PTPRD: variants seen among roughly 807,000 people sequenced by gnomAD.
The protein encoded by PTPRD is protein tyrosine phosphatase receptor type D.
A neutral mutation model predicts 214.5 loss-of-function variants in PTPRD; 34 were observed. The ratio of observed to expected loss-of-function variants is 0.16; its 90% CI spans 0.12 to 0.21. The LOEUF (loss-of-function observed/expected upper bound fraction) is 0.21. PTPRD is among the 10% of genes least tolerant of loss of function. The pLI is 1.00. For missense variants in PTPRD, 2,545 were observed against 2,398.7 expected (o/e 1.06, Z -1.27); for synonymous variants, 1,128 against 845.7 (o/e 1.33, Z -5.79).
chr9:9,875,298 T>C (rs1245322888), intron 5 of PTPRD, among the ~76,000 whole-genome samples: 2 of 152,172 alleles, frequency 1.3e-5, no homozygotes, highest in Non-Finnish European at 2.9e-5. Context: ...GTACTGATAT[T>C]GCTAAATTAC....
intron 3 of PTPRD, among the ~76,000 whole-genome samples, chr9:10,096,538 T>C (rs593247): frequency 0.26 from 39,909 of 151,832 alleles, 5,661 homozygotes; most frequent in East Asian, 0.52. Context: ...AAATGTCTTC[T>C]TTTGAGAAGT....
intron 3 of PTPRD, among the ~76,000 whole-genome samples, chr9:10,165,654 CAAT>C (rs1307992564): frequency 6.6e-6 from 1 of 151,376 alleles, no homozygotes; most frequent in African/African-American, 2.4e-5. Context: ...ATGAGCATTG[CAAT>C]AATAAGACCT....
At chr9:9,700,796 A>C (rs947088887) in intron 7 of PTPRD, among the ~76,000 whole-genome samples, 9 of 152,100 alleles carry the variant, frequency 5.9e-5, no homozygotes, top group African/African-American at 2.2e-4. Context: ...TCTCCATAAA[A>C]ATTTCTAGTA....
At chr9:8,652,396 C>T (rs73425449) in intron 12 of PTPRD, among the ~76,000 whole-genome samples, 7 of 152,208 alleles carry the variant, frequency 4.6e-5, no homozygotes, top group Non-Finnish European at 7.3e-5. Context: ...CCCTGGCACA[C>T]GGCTATTGTT....
At chr9:10,096,135 G>A (rs1461798025) in intron 3 of PTPRD, among the ~76,000 whole-genome samples, 1 of 151,580 alleles carries the variant, frequency 6.6e-6, no homozygotes, top group East Asian at 1.9e-4. Flanking sequence ...GAACAATGGA[G>A]GAAATATCAT....
intron 7 of PTPRD, among the ~76,000 whole-genome samples, chr9:9,729,542 A>G (rs2098149924): frequency 6.6e-6 from 1 of 152,146 alleles, no homozygotes; most frequent in Admixed American, 6.6e-5. Flanking sequence ...TATCACTCTC[A>G]CCATCCTTAT....
intron 11 of PTPRD, among the ~76,000 whole-genome samples, chr9:9,008,394 A>AT (rs1356148891): frequency 1.3e-5 from 2 of 151,234 alleles, no homozygotes; most frequent in Non-Finnish European, 1.5e-5. Context: ...CACCCGGCTA[A>AT]TTTTTTGTAT....
chr9:9,081,262 C>A (rs2099758603), intron 10 of PTPRD, among the ~76,000 whole-genome samples: 1 of 152,110 alleles, frequency 6.6e-6, no homozygotes, highest in Admixed American at 6.6e-5. Context: ...ACCCAGTAGT[C>A]ATTCAGGAAC....
chr9:9,333,499 G>T (rs914238617), intron 9 of PTPRD, among the ~76,000 whole-genome samples: 1 of 97,770 alleles, frequency 1.0e-5, no homozygotes, highest in Non-Finnish European at 1.8e-5. Context: ...ATATTATATA[G>T]TATATTATAT....
intron 27 of PTPRD, among the ~76,000 whole-genome samples, chr9:8,486,961 T>C (rs1313843659): frequency 2.0e-5 from 3 of 152,008 alleles, no homozygotes; most frequent in African/African-American, 7.2e-5. Context: ...ACTGCTTAAA[T>C]GCTTAATTGT....
chr9:10,304,732 TA>T (rs1297935098), intron 3 of PTPRD, among the ~76,000 whole-genome samples: 1 of 152,016 alleles, frequency 6.6e-6, no homozygotes, highest in African/African-American at 2.4e-5. Context: ...AGGAGACCTA[TA>T]AGCCACTGCT....
intron 14 of PTPRD, among the ~76,000 whole-genome samples, chr9:8,560,907 G>A (rs1283625604): frequency 6.2e-5 from 9 of 145,356 alleles, no homozygotes; most frequent in African/African-American, 2.5e-4. Context: ...TGTAAATAAA[G>A]ATGCAGAAAG....
chr9:9,278,098 A>C (rs766571105), intron 9 of PTPRD, among the ~76,000 whole-genome samples: 1 of 151,386 alleles, frequency 6.6e-6, no homozygotes, highest in Non-Finnish European at 1.5e-5. Flanking sequence ...GCTTTCCACG[A>C]TTTGACATAG....
At chr9:9,548,392 T>C (rs2079323367) in intron 8 of PTPRD, among the ~76,000 whole-genome samples, 1 of 150,430 alleles carries the variant, frequency 6.6e-6, no homozygotes, top group African/African-American at 2.4e-5. Flanking sequence ...GCTACGTATA[T>C]GTGACTTTTT....
intron 4 of PTPRD, among the ~76,000 whole-genome samples, chr9:10,022,641 T>A (rs2096846068): frequency 6.6e-6 from 1 of 152,212 alleles, no homozygotes; most frequent in African/African-American, 2.4e-5. Context: ...CAGTGAGTAT[T>A]TCATTCTAAA....
intron 13 of PTPRD, among the ~76,000 whole-genome samples, chr9:8,634,137 C>A (rs2096351219): frequency 6.6e-6 from 1 of 151,712 alleles, no homozygotes; most frequent in Admixed American, 6.6e-5. Flanking sequence ...AAATTAATGT[C>A]CTAAACACTA....
intron 5 of PTPRD, among the ~76,000 whole-genome samples, chr9:9,854,899 A>G (rs145294690): frequency 1.3e-5 from 2 of 152,288 alleles, no homozygotes; most frequent in African/African-American, 4.8e-5. Context: ...GTTTATTCCC[A>G]CAACTGGACC....
At chr9:9,395,399 T>C (rs1407811648) in intron 9 of PTPRD, among the ~76,000 whole-genome samples, 2 of 152,150 alleles carry the variant, frequency 1.3e-5, no homozygotes, top group African/African-American at 4.8e-5. Context: ...TGAGAGACTC[T>C]GAGTTAATTG....
chr9:8,485,385 C>T (rs2096977553), intron 28 of PTPRD, 61 bp from the exon 29 acceptor site: 2 of 1,150,292 alleles, frequency 1.7e-6, no homozygotes, highest in Non-Finnish European at 2.6e-6. Flanking sequence ...CCTGTCCTTT[C>T]CACCATGGAC....
Sources: gnomAD v4.1 joint callset for allele counts (sites outside exome capture counted in the v4.1 genomes callset) on GRCh38, gnomAD v4.1.1 for gene constraint, MANE v1.5 for transcripts, NCBI Gene and HGNC (gene_info 2026-07-23, HGNC 2026-07-21) for gene names.